Variants in ITSN1 observed in about 807,000 individuals in gnomAD.
The protein encoded by ITSN1 is intersectin-1.
ITSN1 carries 58 observed loss-of-function variants against 239.8 expected under a neutral mutation model. That is an observed-to-expected ratio of 0.24 (90% CI 0.20 to 0.30). ITSN1 has a LOEUF of 0.30. Ranked by LOEUF, ITSN1 falls within the 10% of genes least tolerant of loss-of-function variation. ITSN1 has a pLI of 1.00. For synonymous variants in ITSN1, 780 were observed against 770.8 expected, an observed-to-expected ratio of 1.01 and a Z score of -0.20; for missense variants, 1,558 against 2,103.3, an observed-to-expected ratio of 0.74 and a Z score of 5.07.
At chr21:33,782,338 A>G (rs923374023) in intron 16 of ITSN1, among the ~76,000 whole-genome samples, 47 of 152,174 alleles carry the variant, frequency 3.1e-4, no homozygotes, top group African/African-American at 9.9e-4. Flanking sequence ...CATGACATCT[A>G]TTTTTAACCT....
intron 16 of ITSN1, among the ~76,000 whole-genome samples, chr21:33,789,461 T>C (rs1312009430): frequency 6.6e-6 from 1 of 152,220 alleles, no homozygotes; most frequent in Non-Finnish European, 1.5e-5. Flanking sequence ...TGTTTGTTTT[T>C]GTCTCTCATT....
intron 1 of ITSN1, among the ~76,000 whole-genome samples, chr21:33,666,102 T>A (rs1013730033): frequency 6.6e-6 from 1 of 152,204 alleles, no homozygotes; most frequent in African/African-American, 2.4e-5. Flanking sequence ...CTAATTCTTT[T>A]GCATTTTTAG....
rs754360446 is a variant in ITSN1 at position 33,772,291 on chromosome 21, G to C, written c.1273G>C (p.Glu425Gln). The C allele has an allele frequency of 3.8e-6, 6 of 1,559,976 alleles. No homozygotes were observed. Among genetic ancestry groups the C allele is most frequent in the Non-Finnish European group, 4.3e-6 (5 of 1,151,524 alleles). Reference sequence around the variant, plus strand: ...GCGGGAGCTAGAACGGCAGAGAGAGGAGGAGAGGAGGAAAGAAATTGAGAG... The same window carrying C: ...GCGGGAGCTAGAACGGCAGAGAGAGCAGGAGAGGAGGAAAGAAATTGAGAG... ...KQRELERQRE[E>Q]ERRKEIERRE... The change falls in exon 12 of 40, where the codon GAG becomes CAG. Residue 425 changes from glutamate to glutamine, a missense_variant. Glu to Gln is a conservative substitution (Grantham distance 29). Transcript: ENST00000381318.
intron 34 of ITSN1, among the ~76,000 whole-genome samples, chr21:33,877,009 C>A (rs576311771): frequency 2.0e-5 from 3 of 149,560 alleles, no homozygotes; most frequent in African/African-American, 7.4e-5. Flanking sequence ...TCTTGTATTA[C>A]GATTTTTGAC....
chr21:33,794,233 A>G, intron 16 of ITSN1, 108 bp from the exon 17 acceptor site: 1 of 793,942 alleles, frequency 1.3e-6, no homozygotes, highest in Non-Finnish European at 2.1e-6. Context: ...CTGAAACGTT[A>G]TCTCCTAAGT....
At chr21:33,766,849 G>A (rs1049570673) in intron 10 of ITSN1, among the ~76,000 whole-genome samples, 1 of 152,158 alleles carries the variant, frequency 6.6e-6, no homozygotes, top group Non-Finnish European at 1.5e-5. Context: ...ATTGGGAGAC[G>A]GTTTAAACAC....
At chr21:33,874,813 T>G (rs962309897) in intron 33 of ITSN1, among the ~76,000 whole-genome samples, 2 of 152,150 alleles carry the variant, frequency 1.3e-5, no homozygotes, top group Admixed American at 1.3e-4. Context: ...CACGCCCAGC[T>G]AATTTTTGTA....
intron 29 of ITSN1, among the ~76,000 whole-genome samples, chr21:33,848,163 G>A (rs764156640): frequency 1.3e-5 from 2 of 152,214 alleles, no homozygotes; most frequent in East Asian, 1.9e-4. Context: ...AGATTCACAC[G>A]TTGAAGCCCA....
In ITSN1 at chr21:33,795,132, CG is replaced by C. The variant is rs2071437929; in HGVS notation, c.1952+665del. 5.9e-5 allele frequency among the ~76,000 whole-genome samples: 9 copies of C among 152,188 alleles called. No homozygotes were observed. The South Asian group carries it at 1.9e-3, about 32-fold the overall frequency. On this transcript the variant is annotated intron_variant, in intron 17 of 39. Transcript: ENST00000381318. ...TGACCAAATGTCCCAATGACAGCCC[CG>C]TAAATTATAAAAGTTGGTAATTGAA...
chr21:33,753,672 G>T (rs548003488), intron 7 of ITSN1, among the ~76,000 whole-genome samples: 89 of 146,700 alleles, frequency 6.1e-4, no homozygotes, highest in African/African-American at 2.0e-3. Context: ...TGAGGCAAGA[G>T]AATTGCTTGA....
At chr21:33,826,259 C>T (rs2073966019) in intron 25 of ITSN1, among the ~76,000 whole-genome samples, 1 of 152,188 alleles carries the variant, frequency 6.6e-6, no homozygotes, top group African/African-American at 2.4e-5. Flanking sequence ...ACAGGACAGC[C>T]ACTGCCTCTT....
In ITSN1 at chr21:33,885,127, A is replaced by C; in HGVS notation, c.4759+4A>C. 6.2e-7 allele frequency: 1 copy of C among 1,612,750 alleles called. No homozygotes were observed. The highest frequency in any genetic ancestry group is 1.1e-5 in the South Asian group (1 of 90,994). On this transcript the variant is annotated splice_donor_region_variant and intron_variant, in intron 37 of 39. Coordinates refer to ENST00000381318, the MANE Select transcript of ITSN1 (RefSeq NM_003024.3). The stretch of plus-strand genomic sequence containing the variant: ...AAGCGCGAGAAAGCGTACCTGGGTA[A>C]TGCATGGCCCCGCGGGGTGTCCTGC...
At chr21:33,795,232 C>T (rs554945298) in intron 17 of ITSN1, among the ~76,000 whole-genome samples, 25 of 152,130 alleles carry the variant, frequency 1.6e-4, no homozygotes, top group Non-Finnish European at 2.5e-4. Context: ...GGGCGGATCA[C>T]GAGGTCAAGA....
At chr21:33,782,831 CT>C (rs1452186142) in intron 16 of ITSN1, among the ~76,000 whole-genome samples, 6 of 152,084 alleles carry the variant, frequency 3.9e-5, no homozygotes, top group Admixed American at 2.0e-4. Flanking sequence ...CGAGACCATC[CT>C]GGCTAACACG....
chr21:33,784,297 C>A (rs951423977), intron 16 of ITSN1, among the ~76,000 whole-genome samples: 1 of 120,222 alleles, frequency 8.3e-6, no homozygotes, highest in Admixed American at 9.5e-5. Flanking sequence ...AGGGTGAAGC[C>A]CTGTCTCTAC....
intron 33 of ITSN1, among the ~76,000 whole-genome samples, chr21:33,867,741 T>C (rs1602650436): frequency 6.6e-6 from 1 of 152,144 alleles, no homozygotes; most frequent in Non-Finnish European, 1.5e-5. Context: ...CGGTGAGTGT[T>C]ACAGCTCTTA....
rs1272910799 is a variant in ITSN1, at chr21:33,779,392, A to G, written c.1597-2069A>G. On this transcript the variant is annotated intron_variant, in intron 14 of 39. Coordinates refer to ENST00000381318, the MANE Select transcript of ITSN1 (RefSeq NM_003024.3). Reference sequence around the variant, plus strand: ...TGCATTTTCATATTTATTCAATTCAAAATCTTTTTTAAATTTTCTTTGTAA... The same window carrying G: ...TGCATTTTCATATTTATTCAATTCAGAATCTTTTTTAAATTTTCTTTGTAA... 3.3e-5 allele frequency among the ~76,000 whole-genome samples: 5 copies of G among 152,098 alleles called. No homozygotes were observed. In the East Asian group the frequency reaches 9.6e-4, roughly 29 times the overall value.
At position 33,868,868 on chromosome 21, in the gene ITSN1, G is replaced by A. The variant is rs190759470; in HGVS notation, c.4173+1537G>A. 3.9e-4 allele frequency among the ~76,000 whole-genome samples: 59 copies of A among 152,240 alleles called. No individual in the cohort carries two copies. In the East Asian group the frequency reaches 6.4e-3, roughly 17 times the overall value. On this transcript the variant is annotated intron_variant, in intron 33 of 39. Coordinates refer to ENST00000381318, the MANE Select transcript of ITSN1 (RefSeq NM_003024.3). Reference sequence around the variant, plus strand: ...CGAGGGCTGTGAGGACTGCCAGCACGCTGTCACCTCTCAATACTGCACAGC... The same window carrying A: ...CGAGGGCTGTGAGGACTGCCAGCACACTGTCACCTCTCAATACTGCACAGC...
chr21:33,706,580 C>T (rs1326456583), intron 1 of ITSN1, among the ~76,000 whole-genome samples: 1 of 151,396 alleles, frequency 6.6e-6, no homozygotes, highest in Non-Finnish European at 1.5e-5. Context: ...CACCCTACCT[C>T]ACTTCTATTA....
Sources: gnomAD v4.1 joint callset for allele counts (sites outside exome capture counted in the v4.1 genomes callset) on GRCh38, gnomAD v4.1.1 for gene constraint, MANE v1.5 for transcripts, NCBI Gene and HGNC (gene_info 2026-07-23, HGNC 2026-07-21) for gene names.